SEMA6A: variants seen among roughly 807,000 people sequenced by gnomAD.
The protein encoded by SEMA6A is semaphorin-6A.
SEMA6A carries 25 observed loss-of-function variants against 96.8 expected under a neutral mutation model. That is an observed-to-expected ratio of 0.26 (90% CI 0.19 to 0.36). SEMA6A has a LOEUF of 0.36. SEMA6A is among the 10% of genes least tolerant of loss of function. The pLI is 1.00. For synonymous variants in SEMA6A, 612 were observed against 518.0 expected, an observed-to-expected ratio of 1.18 and a Z score of -2.46; for missense variants, 1,363 against 1,323.1, an observed-to-expected ratio of 1.03 and a Z score of -0.47.
intron 1 of SEMA6A, among the ~76,000 whole-genome samples, chr5:116,541,583 A>T (rs995751112): frequency 8.5e-5 from 13 of 152,216 alleles, no homozygotes; most frequent in African/African-American, 3.1e-4. Context: ...CTGTAATCCC[A>T]GCACTTTGGG....
intron 1 of SEMA6A, among the ~76,000 whole-genome samples, chr5:116,572,486 C>T (rs1761262345): frequency 6.6e-6 from 1 of 152,206 alleles, no homozygotes; most frequent in Non-Finnish European, 1.5e-5. Flanking sequence ...CATTCCTCTC[C>T]CGCTCCACGC....
chr5:116,482,801 GA>G (rs1276793036), intron 10 of SEMA6A, among the ~76,000 whole-genome samples: 2 of 151,956 alleles, frequency 1.3e-5, no homozygotes, highest in Non-Finnish European at 2.9e-5. Flanking sequence ...TCACAGAGAG[GA>G]AAAAAACTCT....
At chr5:116,479,115 G>A (rs550261769) in intron 12 of SEMA6A, among the ~76,000 whole-genome samples, 5 of 152,130 alleles carry the variant, frequency 3.3e-5, no homozygotes, top group Non-Finnish European at 7.4e-5. Flanking sequence ...GAAAAGCAAT[G>A]ACTGCGATTT....
rs1184146659 is a variant in SEMA6A, at chr5:116,446,542, A to G, written c.*71T>C. The G allele has an allele frequency of 7.6e-7, 1 of 1,324,388 alleles. No individual in the cohort carries two copies. Among genetic ancestry groups the G allele is most frequent in the Non-Finnish European group, 1.0e-6 (1 of 988,582 alleles). The allele number at this position is 1,324,388 out of a possible 1,614,324, so 82.0% of individuals were successfully genotyped here. A position where few individuals can be genotyped will look rare whatever the true frequency, so the allele number is the denominator to read the frequency against. The stretch of plus-strand genomic sequence containing the variant: ...GTCTGGTGGGTACTCGAGGCAGTTG[A>G]GAACCTTGCTGAGCTGAGCGGGCAC... On this transcript the variant is annotated 3_prime_UTR_variant, in exon 19 of 19. Transcript: ENST00000343348.
chr5:116,528,297 T>C (rs1759316603), intron 1 of SEMA6A, among the ~76,000 whole-genome samples: 1 of 152,154 alleles, frequency 6.6e-6, no homozygotes, highest in Non-Finnish European at 1.5e-5. Context: ...TGCTTACAAA[T>C]ATAATGTGGA....
At chr5:116,501,219 C>G (rs936683262) in intron 3 of SEMA6A, among the ~76,000 whole-genome samples, 3 of 152,174 alleles carry the variant, frequency 2.0e-5, no homozygotes, top group Non-Finnish European at 4.4e-5. Context: ...AATACAACAT[C>G]TCATTTGGCA....
At chr5:116,464,921 T>A (rs1234596697) in intron 18 of SEMA6A, among the ~76,000 whole-genome samples, 1 of 152,160 alleles carries the variant, frequency 6.6e-6, no homozygotes, top group Admixed American at 6.5e-5. Context: ...AAATGGGCAA[T>A]GGACACTTGA....
intron 1 of SEMA6A, among the ~76,000 whole-genome samples, chr5:116,534,748 T>C (rs1759635341): frequency 6.6e-6 from 1 of 152,256 alleles, no homozygotes; most frequent in South Asian, 2.1e-4. Flanking sequence ...TATGAGTTCC[T>C]TGAGTCCTTG....
Position 116,491,755 on chromosome 5 carries a change from C to T in SEMA6A, c.520G>A (p.Val174Ile), listed in dbSNP as rs576740468. Residue 174 changes from valine (V) to isoleucine (I), a missense_variant, in exon 7 of 19, where the codon GTT becomes ATT. Physicochemically the swap from Val to Ile is conservative, Grantham distance 29 (BLOSUM62 3). Transcript: ENST00000343348. ...GGTCGCTTACCTGCAAACAGTGCAA[C>T]GTTGGCATGTTTGGCATCATATGGG... is the stretch of plus-strand genomic sequence containing the variant. ...RCPYDAKHAN[V>I]ALFADGKLYS... 1.5e-4 allele frequency: 235 copies of T among 1,613,594 alleles called. 3 individuals carry two copies. The South Asian group carries it at 2.1e-3, about 14-fold the overall frequency.
intron 9 of SEMA6A, 166 bp from the exon 10 acceptor site, chr5:116,487,132 A>C: frequency 5.1e-6 from 3 of 591,074 alleles, no homozygotes; most frequent in Non-Finnish European, 6.0e-6. Flanking sequence ...AAAGAGGAAA[A>C]CTCAGCATTA....
In SEMA6A at chr5:116,513,805, AGT is replaced by A. The variant is rs200583533; in HGVS notation, c.-38-8825_-38-8824del. Among the ~76,000 whole-genome samples the A allele has an allele frequency of 2.6e-3, 402 of 151,882 alleles. 2 individuals are homozygous for A. The East Asian group carries it at 0.043, about 16-fold the overall frequency. On this transcript the variant is annotated intron_variant, in intron 1 of 18. Coordinates refer to ENST00000343348, the MANE Select transcript of SEMA6A (RefSeq NM_020796.5). ...CATGCCCTGCCCTCTGACAGGCCTGAGTGTGTGCTGTTCTTCCCCGTGTGTCC... is the reference window on the plus strand; with the variant it reads ...CATGCCCTGCCCTCTGACAGGCCTGAGTGTGCTGTTCTTCCCCGTGTGTCC...
intron 12 of SEMA6A, among the ~76,000 whole-genome samples, chr5:116,479,219 A>C (rs1756626172): frequency 6.6e-6 from 1 of 152,188 alleles, no homozygotes; most frequent in Non-Finnish European, 1.5e-5. Context: ...TGCTAATGGC[A>C]CTACTAAAAA....
At chr5:116,502,124 A>G in intron 3 of SEMA6A, 86 bp downstream of exon 3, 1 of 987,994 alleles carries the variant, frequency 1.0e-6, no homozygotes, top group South Asian at 1.4e-5. Flanking sequence ...AAACCTCAAG[A>G]TCTTAAAAAT....
In SEMA6A at chr5:116,502,297, T is replaced by C. The variant is rs1319288566; in HGVS notation, c.131A>G (p.His44Arg). Residue 44 changes from histidine to arginine, a missense_variant, in exon 3 of 19, where the codon CAC becomes CGC. His to Arg is a conservative substitution (Grantham distance 29). Coordinates refer to ENST00000343348, the MANE Select transcript of SEMA6A (RefSeq NM_020796.5). ...CTGTGTGGTGTTCCGTCCTGGCTTG[T>C]GGCCCACAAACACCGGATACTGTTT... The part of the protein sequence containing the change: ...YTKQYPVFVG[H>R]KPGRNTTQRH... The C allele has an allele frequency of 1.2e-6, 2 of 1,613,746 alleles. No homozygotes were observed. Among genetic ancestry groups the C allele is most frequent in the Non-Finnish European group, 1.7e-6 (2 of 1,179,860 alleles).
At chr5:116,538,856 C>A (rs1020630226) in intron 1 of SEMA6A, among the ~76,000 whole-genome samples, 1 of 152,206 alleles carries the variant, frequency 6.6e-6, no homozygotes, top group Non-Finnish European at 1.5e-5. Context: ...TATTCCACAA[C>A]AGGGGCACCC....
chr5:116,503,702 G>A lies in SEMA6A; in HGVS notation c.100+1143C>T, dbSNP rs1401150060. On this transcript the variant is annotated intron_variant, in intron 2 of 18. Coordinates refer to ENST00000343348, the MANE Select transcript of SEMA6A (RefSeq NM_020796.5). ...TTTTTTTTTCTTTTGTATTTTAGTA[G>A]AGACAGTTTTCACCATGTTGGCCAG... Among the ~76,000 whole-genome samples the A allele has an allele frequency of 3.3e-5, 5 of 151,994 alleles. No individual in the cohort carries two copies. In the East Asian group the frequency reaches 7.8e-4, roughly 24 times the overall value.
Position 116,446,696 on chromosome 5 carries a change from G to T in SEMA6A, c.3010C>A (p.Pro1004Thr), listed in dbSNP as rs779138289. 19 of 1,584,804 alleles carry T rather than the reference G, an allele frequency of 1.2e-5. No individual in the cohort carries two copies. The change falls in exon 19 of 19, where the codon CCC becomes ACC. Residue 1004 changes from proline (P) to threonine (T), a missense_variant. Coordinates refer to ENST00000343348, the MANE Select transcript of SEMA6A (RefSeq NM_020796.5). The stretch of plus-strand genomic sequence containing the variant: ...GGGGGTACGTCCGGCTTTAGCGAGG[G>T]CGTACGCTTCAGCCCCGACCTTGTC... ...SLTRSGLKRT[P>T]SLKPDVPPKP...
chr5:116,525,277 G>A (rs888991915), intron 1 of SEMA6A, among the ~76,000 whole-genome samples: 1 of 152,106 alleles, frequency 6.6e-6, no homozygotes, highest in African/African-American at 2.4e-5. Flanking sequence ...AGTGGCCTTG[G>A]GTTATTTAAT....
chr5:116,495,336 G>C (rs1413992000), intron 6 of SEMA6A, 77 bp downstream of exon 6: 1 of 1,034,210 alleles, frequency 9.7e-7, no homozygotes, highest in Admixed American at 2.0e-5. Context: ...ACCCCTCTTA[G>C]GTTGCTGCAG....
Sources: allele counts gnomAD v4.1 joint callset (sites outside exome capture counted in the v4.1 genomes callset), GRCh38; gene constraint gnomAD v4.1.1; transcripts MANE v1.5; gene names NCBI Gene and HGNC (gene_info 2026-07-23, HGNC 2026-07-21).